Variants in NRG3 observed in about 807,000 individuals in gnomAD.
The protein encoded by NRG3 is pro-neuregulin-3, membrane-bound isoform.
In NRG3, 31 loss-of-function variants were observed where a neutral mutation model predicts 66.9. The ratio of observed to expected loss-of-function variants is 0.46; its 90% CI spans 0.35 to 0.63. NRG3 has a LOEUF of 0.63. NRG3 is among the 20% of genes least tolerant of loss of function. NRG3 has a pLI of 0.00. For synonymous variants in NRG3, 393 were observed against 359.4 expected (o/e 1.09, Z -1.06); for missense variants, 910 against 878.9 (o/e 1.04, Z -0.45).
intron 2 of NRG3, among the ~76,000 whole-genome samples, chr10:82,712,956 C>T (rs370680157): frequency 1.3e-3 from 197 of 151,754 alleles, no homozygotes; most frequent in African/African-American, 4.4e-3. Context: ...TTCATTTCTA[C>T]TAAAAATACA....
At chr10:82,090,474 C>T (rs2065961308) in intron 1 of NRG3, among the ~76,000 whole-genome samples, 1 of 152,072 alleles carries the variant, frequency 6.6e-6, no homozygotes, top group African/African-American at 2.4e-5. Context: ...AGAAAAGCAA[C>T]AAAGTATGAG....
At chr10:82,974,815 C>T (rs1852102954) in intron 7 of NRG3, among the ~76,000 whole-genome samples, 1 of 152,214 alleles carries the variant, frequency 6.6e-6, no homozygotes, top group African/African-American at 2.4e-5. Context: ...CAACACCAAG[C>T]CAGAAACATA....
chr10:82,836,321 C>T (rs905842926), intron 3 of NRG3, among the ~76,000 whole-genome samples: 2 of 152,170 alleles, frequency 1.3e-5, no homozygotes, highest in African/African-American at 2.4e-5. Flanking sequence ...ATCTGCAGGA[C>T]ATAAGGAAAG....
At chr10:82,849,047 A>T (rs1006405442) in intron 3 of NRG3, among the ~76,000 whole-genome samples, 1 of 152,138 alleles carries the variant, frequency 6.6e-6, no homozygotes, top group Non-Finnish European at 1.5e-5. Context: ...AACTCCAATT[A>T]CCTTATTTGG....
At chr10:82,305,978 G>T (rs2080701165) in intron 1 of NRG3, among the ~76,000 whole-genome samples, 2 of 152,320 alleles carry the variant, frequency 1.3e-5, no homozygotes, top group Non-Finnish European at 2.9e-5. Context: ...ATTCTAGGCT[G>T]AGAGAGATAT....
intron 6 of NRG3, among the ~76,000 whole-genome samples, chr10:82,961,781 G>A (rs933279904): frequency 6.6e-6 from 1 of 152,122 alleles, no homozygotes; most frequent in African/African-American, 2.4e-5. Flanking sequence ...GGGACCATGG[G>A]GAAGTTCTGA....
intron 1 of NRG3, among the ~76,000 whole-genome samples, chr10:81,901,231 A>G (rs1564643111): frequency 6.6e-6 from 1 of 152,246 alleles, no homozygotes; most frequent in Non-Finnish European, 1.5e-5. Context: ...GGCTGTGTCC[A>G]GCACTGTCAT....
At position 82,632,553 on chromosome 10, in the gene NRG3, A is replaced by T. The variant is rs368172738; in HGVS notation, c.954-106024A>T. On this transcript the variant is annotated intron_variant, in intron 2 of 8. Coordinates refer to ENST00000372141, the MANE Select transcript of NRG3 (RefSeq NM_001010848.4). ...CTTTTCCCTGGCAGAAATTTCCTTTATTACAACTCATTATCGTATTTCATT... is the reference window on the plus strand; with the variant it reads ...CTTTTCCCTGGCAGAAATTTCCTTTTTTACAACTCATTATCGTATTTCATT... 1.2e-4 allele frequency among the ~76,000 whole-genome samples: 18 copies of T among 152,138 alleles called. No individual in the cohort carries two copies. In the East Asian group the frequency reaches 3.5e-3, roughly 29 times the overall value.
rs188036604 is a variant in NRG3 at position 82,638,891 on chromosome 10, C to T, written c.954-99686C>T. The stretch of plus-strand genomic sequence containing the variant: ...CAATCTCTTGACCTCGGGATCCTCC[C>T]GCCTCAGCCTCCCAAAGTGCTGGGA... On this transcript the variant is annotated intron_variant, in intron 2 of 8. Coordinates refer to ENST00000372141, the MANE Select transcript of NRG3 (RefSeq NM_001010848.4). Among the ~76,000 whole-genome samples, 395 of 152,228 alleles carry T rather than the reference C, an allele frequency of 2.6e-3. 9 individuals carry two copies. The highest frequency in any genetic ancestry group is 0.024 in the Admixed American group (374 of 15,284).
In NRG3 at chr10:81,969,802, C is replaced by T. The variant is rs576825508; in HGVS notation, c.823+93639C>T. On this transcript the variant is annotated intron_variant, in intron 1 of 8. Coordinates refer to ENST00000372141, the MANE Select transcript of NRG3 (RefSeq NM_001010848.4). ...GTGTGTGTGTGTGTGTGTGTGTGTG[C>T]ACATGCACTTCTGTGTATATCTGTG... Among the ~76,000 whole-genome samples the T allele has an allele frequency of 6.6e-5, 10 of 150,690 alleles. No homozygotes were observed. The South Asian group carries it at 1.3e-3, about 19-fold the overall frequency.
chr10:82,456,823 C>T (rs1050594485), intron 2 of NRG3, among the ~76,000 whole-genome samples: 2 of 152,170 alleles, frequency 1.3e-5, no homozygotes, highest in South Asian at 2.1e-4. Context: ...GCCTGACACT[C>T]GGCCTGCCCC....
chr10:82,859,531 G>A (rs1054955378), intron 3 of NRG3, among the ~76,000 whole-genome samples: 2 of 152,174 alleles, frequency 1.3e-5, no homozygotes, highest in Non-Finnish European at 2.9e-5. Flanking sequence ...GTTGCAGCCT[G>A]CCCACCTCGG....
intron 2 of NRG3, among the ~76,000 whole-genome samples, chr10:82,719,463 T>C (rs1396670346): frequency 6.6e-6 from 1 of 152,206 alleles, no homozygotes; most frequent in Non-Finnish European, 1.5e-5. Flanking sequence ...TCCTGGCCCT[T>C]CTTCTATTCT....
chr10:82,974,848 C>A (rs1002323133), intron 7 of NRG3, among the ~76,000 whole-genome samples: 1 of 152,182 alleles, frequency 6.6e-6, no homozygotes, highest in Non-Finnish European at 1.5e-5. Flanking sequence ...AAACTACTTT[C>A]TCCTTCACCT....
chr10:82,289,703 A>AT (rs1223144942), intron 1 of NRG3, among the ~76,000 whole-genome samples: 1 of 152,182 alleles, frequency 6.6e-6, no homozygotes, highest in Non-Finnish European at 1.5e-5. Flanking sequence ...TTTTCTACAT[A>AT]TGTGGGAATG....
At chr10:82,550,832 A>G (rs570277377) in intron 2 of NRG3, among the ~76,000 whole-genome samples, 1 of 152,264 alleles carries the variant, frequency 6.6e-6, no homozygotes, top group Admixed American at 6.5e-5. Context: ...ATTCTATATC[A>G]GAAAATCCAG....
chr10:82,342,907 A>G (rs140076540), intron 1 of NRG3, among the ~76,000 whole-genome samples: 372 of 152,154 alleles, frequency 2.4e-3, no homozygotes, highest in African/African-American at 8.4e-3. Flanking sequence ...CAAGTTTTAC[A>G]TTTCAGTCTT....
intron 2 of NRG3, among the ~76,000 whole-genome samples, chr10:82,706,560 G>GAC (rs374327222): frequency 5.3e-5 from 8 of 152,072 alleles, no homozygotes; most frequent in African/African-American, 1.9e-4. Context: ...ATGTGGGGCT[G>GAC]ACACTCAGCT....
At chr10:82,507,715 G>T (rs1844814458) in intron 2 of NRG3, among the ~76,000 whole-genome samples, 1 of 152,182 alleles carries the variant, frequency 6.6e-6, no homozygotes, top group Admixed American at 6.5e-5. Context: ...TTGGGACTAG[G>T]TTTCTGAAAG....
Sources: gnomAD v4.1 joint callset for allele counts (sites outside exome capture counted in the v4.1 genomes callset) on GRCh38, gnomAD v4.1.1 for gene constraint, MANE v1.5 for transcripts, NCBI Gene and HGNC (gene_info 2026-07-23, HGNC 2026-07-21) for gene names.